Variants in NECTIN4 observed in about 807,000 individuals in gnomAD.
NECTIN4 encodes the protein nectin-4.
NECTIN4 carries 19 observed loss-of-function variants against 51.7 expected under a neutral mutation model. The ratio of observed to expected loss-of-function variants is 0.37; its 90% CI spans 0.26 to 0.54. The LOEUF (loss-of-function observed/expected upper bound fraction) is 0.54, where lower values mean the gene tolerates loss of function less well. Ranked by LOEUF, NECTIN4 falls within the 20% of genes least tolerant of loss-of-function variation. NECTIN4 has a pLI of 0.86. For missense variants in NECTIN4, 619 were observed against 662.4 expected (o/e 0.93, Z 0.72); for synonymous variants, 283 against 286.9 (o/e 0.99, Z 0.14).
intron 1 of NECTIN4, chr1:161,087,411 C>T (rs981563777): frequency 2.0e-5 from 3 of 151,698 alleles, no homozygotes; most frequent in African/African-American, 4.8e-5. Flanking sequence ...TGTCCCCTTC[C>T]CTGGGCTTCT....
In NECTIN4 at chr1:161,072,249, T is replaced by TCACA. The variant is rs1274009484; in HGVS notation, c.*408_*411dup. Reference sequence around the variant, plus strand: ...AAATACCTGCTTTTTCAGGCAGAGGTCACACACAGCCACATGACACACACG... The same window carrying TCACA: ...AAATACCTGCTTTTTCAGGCAGAGGTCACACACACACAGCCACATGACACACACG... On this transcript the variant is annotated 3_prime_UTR_variant, in exon 9 of 9. Transcript: ENST00000368012. 2 of 334,694 alleles carry TCACA rather than the reference T, an allele frequency of 6.0e-6. No individual in the cohort carries two copies. Among genetic ancestry groups the TCACA allele is most frequent in the African/African-American group, 4.3e-5 (2 of 46,678 alleles). 20.7% of individuals were successfully genotyped at this position (334,694 alleles called of 1,614,324 possible). A position where few individuals can be genotyped will look rare whatever the true frequency, so the allele number is the denominator to read the frequency against.
intron 1 of NECTIN4, among the ~76,000 whole-genome samples, chr1:161,081,229 C>A (rs183054810): frequency 6.6e-6 from 1 of 152,264 alleles, no homozygotes; most frequent in East Asian, 1.9e-4. Flanking sequence ...CAAAGGAATT[C>A]ATACTTGGTC....
intron 1 of NECTIN4, among the ~76,000 whole-genome samples, chr1:161,082,222 G>T (rs1032454060): frequency 1.3e-5 from 2 of 152,052 alleles, no homozygotes. Context: ...CCAGCTACTC[G>T]GGAGGCTGAG....
rs1415774870 is a variant in NECTIN4 at position 161,075,508 on chromosome 1, C to T, written c.852-749G>A. Among the ~76,000 whole-genome samples the T allele has an allele frequency of 6.6e-5, 10 of 152,350 alleles. No individual in the cohort carries two copies. The South Asian group carries it at 8.3e-4, about 13-fold the overall frequency. ...AGACAAGGCCGGGCATGGTGGCTCA[C>T]GCCTATAATTCCAGCACTTTGGGAG... On this transcript the variant is annotated intron_variant, in intron 4 of 8. Coordinates refer to ENST00000368012, the MANE Select transcript of NECTIN4 (RefSeq NM_030916.3).
chr1:161,079,945 C>A lies in NECTIN4; in HGVS notation c.84G>T (p.Arg28=). 1 of 1,600,604 alleles carries A rather than the reference C, an allele frequency of 6.2e-7. No individual in the cohort carries two copies. Among genetic ancestry groups the A allele is most frequent in the Non-Finnish European group, 8.5e-7 (1 of 1,170,858 alleles). ...LLLLLASFTG[R]CPAGELETSD... ...AGGTCTCCAGCTCACCCGCGGGGCA[C>A]CGGCCTGCAGGGGGCAGAGAGGGAC... Residue 28 remains arginine, a synonymous_variant, in exon 2 of 9, where the codon CGG becomes CGT. Coordinates refer to ENST00000368012, the MANE Select transcript of NECTIN4 (RefSeq NM_030916.3).
chr1:161,076,235 C>T (rs1206830710), intron 4 of NECTIN4, 120 bp downstream of exon 4: 6 of 1,118,040 alleles, frequency 5.4e-6, no homozygotes, highest in Non-Finnish European at 6.5e-6. Flanking sequence ...GATCTGAACA[C>T]ATACCCCAAT....
intron 4 of NECTIN4, 133 bp from the exon 5 acceptor site, chr1:161,074,892 CT>C: frequency 1.1e-6 from 1 of 946,796 alleles, no homozygotes; most frequent in South Asian, 1.6e-5. Context: ...CACGGTGCCC[CT>C]CCCTCCACCA....
Position 161,074,722 on chromosome 1 carries a change from C to T in NECTIN4, c.889G>A (p.Gly297Arg). The T allele has an allele frequency of 6.2e-7, 1 of 1,614,124 alleles. No individual in the cohort carries two copies. The highest frequency in any genetic ancestry group is 1.1e-5 in the South Asian group (1 of 91,082). ...GPLPSGVRVD[G>R]DTLGFPPLTT... ...AGTGGGGGAAAGCCCAAAGTGTCCC[C>T]ATCCACTCGTACCCCACTGGGCAGA... is the stretch of plus-strand genomic sequence containing the variant. Residue 297 changes from glycine to arginine, a missense_variant, in exon 5 of 9, where the codon GGG (glycine) becomes AGG (arginine). Physicochemically the swap from Gly to Arg is moderately radical, Grantham distance 125. This residue lies in a region of NECTIN4 where 364 missense variants were observed against 415.7 expected (regional missense o/e 0.88). Transcript: ENST00000368012.
intron 3 of NECTIN4, among the ~76,000 whole-genome samples, chr1:161,077,094 A>C (rs923777411): frequency 2.2e-4 from 33 of 152,368 alleles, no homozygotes; most frequent in African/African-American, 7.2e-4. Flanking sequence ...AATGAAGCCT[A>C]ACAAGAATGA....
chr1:161,081,279 G>A (rs2101670056), intron 1 of NECTIN4, among the ~76,000 whole-genome samples: 1 of 152,228 alleles, frequency 6.6e-6, no homozygotes, highest in Middle Eastern at 3.4e-3. Context: ...CTTAGCCAGG[G>A]AGTGCCATGA....
At chr1:161,072,981 G>T in intron 8 of NECTIN4, 96 bp from the exon 9 acceptor site, 2 of 1,217,878 alleles carry the variant, frequency 1.6e-6, no homozygotes, top group South Asian at 1.3e-5. Flanking sequence ...GAGGCCAGGC[G>T]TAAGCAGGGG....
At position 161,077,611 on chromosome 1, in the gene NECTIN4, G is replaced by GTTGTGCCT; in HGVS notation, c.564_571dup (p.Thr191LysfsTer29). 1 of 1,613,820 alleles carries GTTGTGCCT rather than the reference G, an allele frequency of 6.2e-7. No individual in the cohort carries two copies. Among genetic ancestry groups the GTTGTGCCT allele is most frequent in the Non-Finnish European group, 8.5e-7 (1 of 1,180,032 alleles). On this transcript the variant is annotated frameshift_variant, in exon 3 of 9. Transcript: ENST00000368012. LOFTEE classifies it high-confidence loss of function. ...GGAGTGCTTGAAGGAACGGCTGGAC[G>GTTGTGCCT]TTGTGCCTTTGACCTCCGTGTCCCA...
intron 1 of NECTIN4, among the ~76,000 whole-genome samples, chr1:161,083,188 C>T (rs939620496): frequency 1.3e-5 from 2 of 152,160 alleles, no homozygotes; most frequent in Non-Finnish European, 2.9e-5. Context: ...TGGATATCTC[C>T]CACAGATCCT....
chr1:161,082,298 A>C (rs1039542231), intron 1 of NECTIN4, among the ~76,000 whole-genome samples: 1 of 152,140 alleles, frequency 6.6e-6, no homozygotes, highest in African/African-American at 2.4e-5. Flanking sequence ...ACTGACCTCC[A>C]GCTTGGGCAA....
intron 4 of NECTIN4, among the ~76,000 whole-genome samples, chr1:161,075,906 T>A (rs1653394380): frequency 6.6e-6 from 1 of 151,744 alleles, no homozygotes; most frequent in Non-Finnish European, 1.5e-5. Context: ...TAAAACCCCA[T>A]CTCTACTAAA....
chr1:161,087,511 G>A (rs147782660), intron 1 of NECTIN4: 1 of 150,628 alleles, frequency 6.6e-6, no homozygotes, highest in Non-Finnish European at 1.5e-5. Flanking sequence ...TAGTATCCAG[G>A]TTGTACCCAG....
At position 161,079,877 on chromosome 1, in the gene NECTIN4, G is replaced by A. The variant is rs1653599938; in HGVS notation, c.152C>T (p.Pro51Leu). The change falls in exon 2 of 9, where the codon CCC (proline) becomes CTC (leucine). Residue 51 changes from proline (P) to leucine (L), a missense_variant. Pro to Leu is a moderately conservative substitution (Grantham distance 98). Around this residue, in one of 3 missense-constraint regions of NECTIN4, gnomAD observed 218 missense variants for 186.3 expected, o/e 1.17. Transcript: ENST00000368012. ...GCCGGAGTCCCCTCGGTAGAAGCAG[G>A]GCAGTTTTGCGTCCTGGCCCAGCAC... ...TVVLGQDAKL[P>L]CFYRGDSGEQ... The A allele has an allele frequency of 1.2e-6, 2 of 1,613,746 alleles. No individual in the cohort carries two copies. The highest frequency in any genetic ancestry group is 1.7e-6 in the Non-Finnish European group (2 of 1,179,994).
At chr1:161,079,546 T>A (rs1438314601) in intron 2 of NECTIN4, 44 bp downstream of exon 2, 1 of 1,598,038 alleles carries the variant, frequency 6.3e-7, no homozygotes. Context: ...TGCTTCCCCC[T>A]GCATCCACAG....
chr1:161,079,809 C>T lies in NECTIN4; in HGVS notation c.220G>A (p.Glu74Lys). The T allele has an allele frequency of 6.2e-7, 1 of 1,613,598 alleles. No homozygotes were observed. Among genetic ancestry groups the T allele is most frequent in the Middle Eastern group, 1.7e-4 (1 of 6,060 alleles). Residue 74 changes from glutamate (E) to lysine (K), a missense_variant, in exon 2 of 9, where the codon GAA becomes AAA. Coordinates refer to ENST00000368012, the MANE Select transcript of NECTIN4 (RefSeq NM_030916.3). Reference sequence around the variant, plus strand: ...AGTAGCGCTAGTTCCTGGGCGCCTTCGCCCGCGTCCACCCGAGCCCATGCC... The same window carrying T: ...AGTAGCGCTAGTTCCTGGGCGCCTTTGCCCGCGTCCACCCGAGCCCATGCC... ...QVAWARVDAGEGAQELALLHS... is the reference protein window; with the variant it reads ...QVAWARVDAGKGAQELALLHS...
Sources: allele counts gnomAD v4.1 joint callset (sites outside exome capture counted in the v4.1 genomes callset), GRCh38; gene constraint gnomAD v4.1.1; regional missense constraint gnomAD v4.1.1; transcripts MANE v1.5; gene names NCBI Gene and HGNC (gene_info 2026-07-23, HGNC 2026-07-21).